Variants in NEGR1 observed in about 807,000 individuals in gnomAD.
NEGR1 encodes neuronal growth regulator 1.
A neutral mutation model predicts 40.9 loss-of-function variants in NEGR1; 10 were observed. The observed-to-expected ratio is 0.24, with a 90% confidence interval of 0.15 to 0.42. NEGR1 has a LOEUF of 0.42. Ranked by LOEUF, NEGR1 falls within the 10% of genes least tolerant of loss-of-function variation. The pLI is 1.00. For missense variants in NEGR1, 352 were observed against 438.9 expected (o/e 0.80, Z 1.77); for synonymous variants, 185 against 166.8 (o/e 1.11, Z -0.84).
chr1:71,565,929 A>G (rs1648607151), intron 6 of NEGR1, among the ~76,000 whole-genome samples: 1 of 152,098 alleles, frequency 6.6e-6, no homozygotes, highest in Non-Finnish European at 1.5e-5. Context: ...TTGAAAATAT[A>G]TGCCCTAATT....
intron 6 of NEGR1, among the ~76,000 whole-genome samples, chr1:71,544,413 A>T (rs1647821791): frequency 6.6e-6 from 1 of 151,698 alleles, no homozygotes; most frequent in Non-Finnish European, 1.5e-5. Flanking sequence ...AGAAAATCTA[A>T]GTAATATCTG....
At chr1:71,509,021 C>T (rs191152353) in intron 6 of NEGR1, among the ~76,000 whole-genome samples, 2 of 152,266 alleles carry the variant, frequency 1.3e-5, no homozygotes, top group Admixed American at 1.3e-4. Context: ...ATACTTTAGT[C>T]CACCAAATAA....
intron 1 of NEGR1, among the ~76,000 whole-genome samples, chr1:72,158,082 T>C (rs1651426664): frequency 2.6e-5 from 4 of 152,240 alleles, no homozygotes; most frequent in Middle Eastern, 3.4e-3. Context: ...AGATTAGCCA[T>C]GGAAGGGATC....
intron 1 of NEGR1, among the ~76,000 whole-genome samples, chr1:72,154,958 T>C (rs941947742): frequency 5.3e-5 from 8 of 151,994 alleles, no homozygotes; most frequent in Non-Finnish European, 8.8e-5. Context: ...ATATATACAA[T>C]GATACATATT....
At chr1:71,970,680 T>C (rs373288630) in intron 1 of NEGR1, among the ~76,000 whole-genome samples, 1 of 151,986 alleles carries the variant, frequency 6.6e-6, no homozygotes, top group East Asian at 1.9e-4. Context: ...AGAGCGAGAC[T>C]CTGTCTCAAA....
At chr1:71,887,297 A>C (rs1236988932) in intron 2 of NEGR1, among the ~76,000 whole-genome samples, 1 of 152,098 alleles carries the variant, frequency 6.6e-6, no homozygotes, top group Non-Finnish European at 1.5e-5. Context: ...GGTGGAAGAA[A>C]ATCCAAGTAT....
intron 2 of NEGR1, among the ~76,000 whole-genome samples, chr1:71,927,567 G>T (rs1043750591): frequency 4.0e-5 from 6 of 151,894 alleles, no homozygotes; most frequent in Admixed American, 3.3e-4. Flanking sequence ...CCCAAATTAG[G>T]CATAACTATT....
At chr1:72,121,192 T>C (rs1204037203) in intron 1 of NEGR1, among the ~76,000 whole-genome samples, 1 of 152,032 alleles carries the variant, frequency 6.6e-6, no homozygotes, top group East Asian at 1.9e-4. Context: ...ACCTGCTGCA[T>C]ACACACCCCA....
At chr1:71,587,016 A>C (rs1329938714) in intron 6 of NEGR1, among the ~76,000 whole-genome samples, 5 of 152,132 alleles carry the variant, frequency 3.3e-5, no homozygotes, top group Non-Finnish European at 7.4e-5. Context: ...TTCAATAATC[A>C]CCAAGTCTAA....
At chr1:72,141,841 G>A (rs529233337) in intron 1 of NEGR1, among the ~76,000 whole-genome samples, 1 of 151,914 alleles carries the variant, frequency 6.6e-6, no homozygotes, top group African/African-American at 2.4e-5. Flanking sequence ...TGTCTAGTAT[G>A]GTAGGGGTTT....
chr1:71,935,144 G>A lies in NEGR1; in HGVS notation c.344C>T (p.Pro115Leu). 6.2e-7 allele frequency: 1 copy of A among 1,613,716 alleles called. No individual in the cohort carries two copies. The highest frequency in any genetic ancestry group is 8.5e-7 in the Non-Finnish European group (1 of 1,179,752). Residue 115 changes from proline to leucine, a missense_variant, in exon 2 of 7, where the codon CCA (proline) becomes CTA (leucine). Around this residue, in one of 5 missense-constraint regions of NEGR1, gnomAD observed 30 missense variants for 64.4 expected, o/e 0.47. Transcript: ENST00000357731. Reference sequence around the variant, plus strand: ...TTGAGTCTGAACAGAACACGTGTATGGGCCATCATCTGTCACATCTACATT... The same window carrying A: ...TTGAGTCTGAACAGAACACGTGTATAGGCCATCATCTGTCACATCTACATT... ...IQNVDVTDDG[P>L]YTCSVQTQHT...
chr1:71,647,797 C>T (rs1262668970), intron 4 of NEGR1, among the ~76,000 whole-genome samples: 1 of 151,964 alleles, frequency 6.6e-6, no homozygotes, highest in Admixed American at 6.6e-5. Flanking sequence ...GCACTATATA[C>T]TGAACTACAG....
intron 1 of NEGR1, among the ~76,000 whole-genome samples, chr1:72,073,627 T>A (rs1169890802): frequency 1.3e-5 from 2 of 152,122 alleles, no homozygotes; most frequent in Non-Finnish European, 2.9e-5. Context: ...CAATGCTACA[T>A]ATATACTTTC....
chr1:72,163,892 A>G (rs1195157581), intron 1 of NEGR1, among the ~76,000 whole-genome samples: 1 of 152,132 alleles, frequency 6.6e-6, no homozygotes, highest in East Asian at 1.9e-4. Context: ...AATGGTATCA[A>G]AGAAAATGAG....
At chr1:71,472,457 C>T (rs1255895900) in intron 6 of NEGR1, 2 of 152,034 alleles carry the variant, frequency 1.3e-5, no homozygotes, top group South Asian at 2.1e-4. Flanking sequence ...AGATGAAATT[C>T]AATTGGGCTA....
chr1:71,499,832 T>C (rs1365738693), intron 6 of NEGR1, among the ~76,000 whole-genome samples: 1 of 152,026 alleles, frequency 6.6e-6, no homozygotes, highest in Non-Finnish European at 1.5e-5. Context: ...CCACATTTTA[T>C]TGAAACCCCT....
chr1:71,703,723 A>G (rs1471538541), intron 3 of NEGR1, among the ~76,000 whole-genome samples: 1 of 152,014 alleles, frequency 6.6e-6, no homozygotes, highest in Non-Finnish European at 1.5e-5. Context: ...AGGCAGAGCA[A>G]GAGTACATAA....
At position 71,424,166 on chromosome 1, in the gene NEGR1, C is replaced by T. The variant is rs190675142; in HGVS notation, c.941-16596G>A. Among the ~76,000 whole-genome samples, 556 of 151,480 alleles carry T rather than the reference C, an allele frequency of 3.7e-3. 2 individuals are homozygous for T. The highest frequency in any genetic ancestry group is 0.024 in the Middle Eastern group (7 of 288). ...AATAGTAAATCTTTCCATGATTAATCAATTCAATCAATTCAATCATAGACA... is the reference window on the plus strand; with the variant it reads ...AATAGTAAATCTTTCCATGATTAATTAATTCAATCAATTCAATCATAGACA... On this transcript the variant is annotated intron_variant, in intron 6 of 6. Coordinates refer to ENST00000357731, the MANE Select transcript of NEGR1 (RefSeq NM_173808.3).
intron 4 of NEGR1, 132 bp from the exon 5 acceptor site, chr1:71,611,278 T>G: frequency 1.3e-6 from 1 of 745,600 alleles, no homozygotes; most frequent in East Asian, 2.7e-5. Context: ...ACGCATCACA[T>G]TTTCAGTGTT....
Sources: gnomAD v4.1 joint callset for allele counts (sites outside exome capture counted in the v4.1 genomes callset) on GRCh38, gnomAD v4.1.1 for gene constraint, gnomAD v4.1.1 regional missense constraint, MANE v1.5 for transcripts, NCBI Gene and HGNC (gene_info 2026-07-23, HGNC 2026-07-21) for gene names.